The following FAM227B variants were observed in gnomAD, a reference collection of about 807,000 sequenced individuals.
FAM227B encodes the protein protein FAM227B.
Under a neutral mutation model 73.8 loss-of-function variants are expected in FAM227B, and 88 were observed. The observed-to-expected ratio is 1.19, with a 90% CI of 1.00 to 1.42. The LOEUF is 1.42. Ranked by LOEUF, FAM227B falls within the 40% of genes most tolerant of loss-of-function variation. FAM227B has a pLI of 0.00. For missense variants in FAM227B, 632 were observed against 590.9 expected (o/e 1.07, Z -0.72); for synonymous variants, 210 against 190.5 (o/e 1.10, Z -0.84).
At chr15:49,514,676 C>T (rs117326707) in intron 10 of FAM227B, among the ~76,000 whole-genome samples, 3,476 of 152,144 alleles carry the variant, frequency 0.023, 46 homozygotes, top group Middle Eastern at 0.12. Context: ...AAATATGATA[C>T]GCCAGTGTTT....
At chr15:49,497,634 T>C (rs551534394) in intron 11 of FAM227B, among the ~76,000 whole-genome samples, 6 of 152,362 alleles carry the variant, frequency 3.9e-5, no homozygotes, top group Middle Eastern at 6.8e-3. Flanking sequence ...CTCATAAATT[T>C]GAACAAACTT....
chr15:49,503,253 A>C (rs2058298549), intron 11 of FAM227B, among the ~76,000 whole-genome samples: 1 of 152,200 alleles, frequency 6.6e-6, no homozygotes, highest in South Asian at 2.1e-4. Flanking sequence ...TCCCTTCCTT[A>C]CACCTTATAA....
intron 5 of FAM227B, among the ~76,000 whole-genome samples, chr15:49,583,290 T>C (rs1020657164): frequency 2.2e-4 from 33 of 150,294 alleles, no homozygotes; most frequent in African/African-American, 7.8e-4. Flanking sequence ...TCAGAAATGA[T>C]AAGGGAATAG....
intron 10 of FAM227B, among the ~76,000 whole-genome samples, chr15:49,526,118 T>C (rs1013902430): frequency 1.6e-4 from 24 of 152,066 alleles, no homozygotes; most frequent in Admixed American, 1.4e-3. Flanking sequence ...CATCAGCATA[T>C]GGAACATTCT....
chr15:49,429,158 C>T (rs1337473628), intron 11 of FAM227B, among the ~76,000 whole-genome samples: 2 of 152,028 alleles, frequency 1.3e-5, no homozygotes, highest in South Asian at 2.1e-4. Flanking sequence ...GTAAGGACAA[C>T]CCCTGCCTTT....
chr15:49,328,056 A>C lies in FAM227B; in HGVS notation c.*512T>G, dbSNP rs752276156. 13 of 1,614,010 alleles carry C rather than the reference A, an allele frequency of 8.1e-6. No individual in the cohort carries two copies. Among genetic ancestry groups the C allele is most frequent in the Admixed American group, 1.7e-5 (1 of 60,000 alleles). ...CTGCCCAGCTTTCTAGCAAATGTGC[A>C]CAAAGCTTATTACCAGAGGAGTGAT... On this transcript the variant is annotated 3_prime_UTR_variant, in exon 16 of 16. Transcript: ENST00000299338.
chr15:49,378,084 T>C (rs979205396), intron 11 of FAM227B, among the ~76,000 whole-genome samples: 2 of 152,118 alleles, frequency 1.3e-5, no homozygotes, highest in African/African-American at 4.8e-5. Flanking sequence ...TATGGAGATC[T>C]AGTTTTCTCA....
Position 49,552,280 on chromosome 15 carries a change from C to A in FAM227B, c.748-10474G>T, listed in dbSNP as rs1265825756. On this transcript the variant is annotated intron_variant, in intron 9 of 15. Coordinates refer to ENST00000299338, the MANE Select transcript of FAM227B (RefSeq NM_152647.3). Reference sequence around the variant, plus strand: ...ACTACTTTGGGTAAATGTTTTTGTTCCTTCAGCACTTTAAATATATCATTC... The same window carrying A: ...ACTACTTTGGGTAAATGTTTTTGTTACTTCAGCACTTTAAATATATCATTC... 2.0e-5 allele frequency among the ~76,000 whole-genome samples: 3 copies of A among 152,150 alleles called. No individual in the cohort carries two copies. The East Asian group carries it at 5.8e-4, about 29-fold the overall frequency.
chr15:49,586,484 G>A (rs1206821338), intron 5 of FAM227B, among the ~76,000 whole-genome samples: 1 of 152,122 alleles, frequency 6.6e-6, no homozygotes, highest in Admixed American at 6.6e-5. Context: ...TATGGGCAAA[G>A]ATTTCATGAC....
intron 11 of FAM227B, among the ~76,000 whole-genome samples, chr15:49,397,930 C>T (rs2047817293): frequency 6.6e-6 from 1 of 152,094 alleles, no homozygotes; most frequent in South Asian, 2.1e-4. Context: ...TAGGAAGAAA[C>T]TGCATCAACT....
In FAM227B at chr15:49,514,176, A is replaced by G. The variant is rs567164592; in HGVS notation, c.875-5828T>C. ...GATGGAAATAGAATTACATTTATAA[A>G]TTACTTTGGGCAGTATGGCCATTTT... On this transcript the variant is annotated intron_variant, in intron 10 of 15. Coordinates refer to ENST00000299338, the MANE Select transcript of FAM227B (RefSeq NM_152647.3). 6.6e-5 allele frequency among the ~76,000 whole-genome samples: 10 copies of G among 152,252 alleles called. No individual in the cohort carries two copies. The South Asian group carries it at 2.1e-3, about 32-fold the overall frequency.
intron 11 of FAM227B, among the ~76,000 whole-genome samples, chr15:49,397,295 GA>G (rs1341640615): frequency 6.6e-6 from 1 of 152,042 alleles, no homozygotes; most frequent in African/African-American, 2.4e-5. Context: ...GAAGTTTAGA[GA>G]AAAAAGAATA....
In FAM227B at chr15:49,339,609, C is replaced by A. The variant is rs1039393181; in HGVS notation, c.1272-4113G>T. ...GTCAGGATACCCAGGTGTCAGGGAC[C>A]CACTTGAGAAGGTAGGCTGTCCCTT... On this transcript the variant is annotated intron_variant, in intron 13 of 15. Transcript: ENST00000299338. 5.9e-5 allele frequency among the ~76,000 whole-genome samples: 9 copies of A among 152,266 alleles called. 1 individual carries two copies. Among genetic ancestry groups the A allele is most frequent in the African/African-American group, 2.2e-4 (9 of 41,558 alleles).
chr15:49,338,343 A>G (rs1006938634), intron 13 of FAM227B, among the ~76,000 whole-genome samples: 3 of 152,098 alleles, frequency 2.0e-5, no homozygotes, highest in Admixed American at 6.5e-5. Context: ...ATCTCTCAGC[A>G]TTTCCTTGTC....
intron 11 of FAM227B, among the ~76,000 whole-genome samples, chr15:49,492,276 G>A (rs1204901798): frequency 1.3e-5 from 2 of 151,834 alleles, no homozygotes; most frequent in African/African-American, 2.4e-5. Flanking sequence ...AAAAGCAAGA[G>A]ATCAAAACTT....
rs1338836077 is a variant in FAM227B, at chr15:49,413,865, G to A, written c.1013-42466C>T. Among the ~76,000 whole-genome samples, 5 of 151,124 alleles carry A rather than the reference G, an allele frequency of 3.3e-5. No individual in the cohort carries two copies. In the East Asian group the frequency reaches 9.7e-4, roughly 29 times the overall value. On this transcript the variant is annotated intron_variant, in intron 11 of 15. Transcript: ENST00000299338. ...TGCTCTTGTTACCTTTATCTAGAATGCTCTACCTCCACTTCTGATTTCTTC... is the reference window on the plus strand; with the variant it reads ...TGCTCTTGTTACCTTTATCTAGAATACTCTACCTCCACTTCTGATTTCTTC...
chr15:49,495,845 A>G (rs2057552323), intron 11 of FAM227B, among the ~76,000 whole-genome samples: 1 of 151,980 alleles, frequency 6.6e-6, no homozygotes. Flanking sequence ...CCACATGGAG[A>G]ATCCCTGTCT....
In FAM227B at chr15:49,448,286, C is replaced by G. The variant is rs375937164; in HGVS notation, c.1012+59925G>C. Among the ~76,000 whole-genome samples the G allele has an allele frequency of 5.9e-4, 89 of 151,442 alleles. No homozygotes were observed. In the South Asian group the frequency reaches 0.018, roughly 30 times the overall value. ...TCTCCTTCCAAATTTGTCTTCTTTC[C>G]TGTTACCTTTTCTCCCTCTTTTCTT... On this transcript the variant is annotated intron_variant, in intron 11 of 15. Transcript: ENST00000299338.
At chr15:49,558,408 C>A (rs902518474) in intron 9 of FAM227B, among the ~76,000 whole-genome samples, 3 of 152,202 alleles carry the variant, frequency 2.0e-5, no homozygotes, top group Non-Finnish European at 4.4e-5. Context: ...AAGTGAAGTG[C>A]AAGTGTGCCA....
Sources: allele counts gnomAD v4.1 joint callset (sites outside exome capture counted in the v4.1 genomes callset), GRCh38; gene constraint gnomAD v4.1.1; transcripts MANE v1.5; gene names NCBI Gene and HGNC (gene_info 2026-07-23, HGNC 2026-07-21).